Variants in SPG11 observed in about 807,000 individuals in gnomAD.
SPG11 encodes the protein spatacsin.
Under a neutral mutation model 274.0 loss-of-function variants are expected in SPG11, and 222 were observed. The observed-to-expected ratio is 0.81, with a 90% confidence interval of 0.73 to 0.91. SPG11 has a LOEUF of 0.91. SPG11 is among the 40% of genes least tolerant of loss of function. SPG11 has a pLI of 0.00. For missense variants in SPG11, 3,114 were observed against 2,872.7 expected (o/e 1.08, Z -1.92); for synonymous variants, 1,144 against 1,039.7 (o/e 1.10, Z -1.93).
intron 7 of SPG11, among the ~76,000 whole-genome samples, chr15:44,641,412 T>C (rs957450788): frequency 6.6e-6 from 1 of 151,808 alleles, no homozygotes; most frequent in African/African-American, 2.4e-5. Flanking sequence ...TTCCACGAAT[T>C]AAGTAAAAAG....
At chr15:44,579,306 C>T (rs538206980) in intron 30 of SPG11, among the ~76,000 whole-genome samples, 7 of 151,622 alleles carry the variant, frequency 4.6e-5, no homozygotes, top group African/African-American at 1.7e-4. Flanking sequence ...GGGTGGATCA[C>T]CTGCAGTCAG....
At position 44,637,873 on chromosome 15, in the gene SPG11, T is replaced by G. The variant is rs192597559; in HGVS notation, c.1603-4236A>C. ...CTTCACGGTATTCCAGAAAAAGGCA[T>G]AGGAGACGATAGCTCCATGCATGTT... On this transcript the variant is annotated intron_variant, in intron 7 of 39. Transcript: ENST00000261866. 7.2e-5 allele frequency among the ~76,000 whole-genome samples: 11 copies of G among 152,312 alleles called. No homozygotes were observed. The East Asian group carries it at 1.9e-3, about 27-fold the overall frequency.
At chr15:44,603,794 T>C (rs769351697) in intron 20 of SPG11, among the ~76,000 whole-genome samples, 2 of 152,238 alleles carry the variant, frequency 1.3e-5, no homozygotes, top group Non-Finnish European at 2.9e-5. Context: ...AGATCACTTA[T>C]AATACCCAAT....
chr15:44,642,834 C>T (rs2084493587), intron 7 of SPG11, among the ~76,000 whole-genome samples: 1 of 152,110 alleles, frequency 6.6e-6, no homozygotes, highest in East Asian at 1.9e-4. Flanking sequence ...CACACTACTG[C>T]ACTCCAACCT....
chr15:44,615,369 C>T lies in SPG11; in HGVS notation c.3032G>A (p.Cys1011Tyr). Residue 1011 changes from cysteine (C) to tyrosine (Y), a missense_variant, in exon 16 of 40, where the codon TGT becomes TAT. Coordinates refer to ENST00000261866, the MANE Select transcript of SPG11 (RefSeq NM_025137.4). ...ATGCATTCTCAGTACTCACTTGTAA[C>T]AGTCAAGGTAGACATAAAGAAGATG... ...LQHLLYVYLDCYKLSPENCPF... is the reference protein window; with the variant it reads ...LQHLLYVYLDYYKLSPENCPF... 1 of 1,613,536 alleles carries T rather than the reference C, an allele frequency of 6.2e-7. No homozygotes were observed. Among genetic ancestry groups the T allele is most frequent in the Non-Finnish European group, 8.5e-7 (1 of 1,179,928 alleles).
At chr15:44,570,416 G>A (rs1264722788) in intron 34 of SPG11, 109 bp downstream of exon 34, 2 of 1,404,604 alleles carry the variant, frequency 1.4e-6, no homozygotes, top group African/African-American at 2.8e-5. Context: ...GTGGTATCCA[G>A]ATGGGCAGAA....
At chr15:44,619,018 C>T (rs1301505979) in intron 15 of SPG11, among the ~76,000 whole-genome samples, 1 of 152,016 alleles carries the variant, frequency 6.6e-6, no homozygotes, top group Non-Finnish European at 1.5e-5. Flanking sequence ...AGTTTAAAAA[C>T]CAAATGCTAA....
intron 20 of SPG11, among the ~76,000 whole-genome samples, chr15:44,603,899 G>A (rs1413585779): frequency 2.0e-5 from 3 of 151,720 alleles, no homozygotes; most frequent in Non-Finnish European, 4.4e-5. Flanking sequence ...TAAATTGTTT[G>A]TTTGTTCTTT....
In SPG11 at chr15:44,621,582, C is replaced by T. The variant is rs544174767; in HGVS notation, c.2620+177G>A. On this transcript the variant is annotated intron_variant, in intron 14 of 39. Transcript: ENST00000261866. ...TCTTTTATTAGCACATTATAAATCC[C>T]TCCCAGAAACTCTGAGATAAGAAAG... The T allele has an allele frequency of 1.3e-4, 85 of 637,964 alleles. 1 individual carries two copies. Among genetic ancestry groups the T allele is most frequent in the Middle Eastern group, 1.2e-3 (3 of 2,468 alleles). 39.5% of individuals were successfully genotyped at this position (637,964 alleles called of 1,614,324 possible). A position where few individuals can be genotyped will look rare whatever the true frequency, so the allele number is the denominator to read the frequency against.
intron 30 of SPG11, among the ~76,000 whole-genome samples, chr15:44,583,123 G>C (rs767229141): frequency 6.6e-6 from 1 of 152,170 alleles, no homozygotes; most frequent in Non-Finnish European, 1.5e-5. Flanking sequence ...AAATCTTGAG[G>C]AATCTACAAG....
intron 34 of SPG11, 36 bp from the exon 35 acceptor site, chr15:44,569,541 C>T (rs898370502): frequency 1.4e-5 from 21 of 1,460,984 alleles, no homozygotes; most frequent in Admixed American, 2.0e-5. Context: ...TCAGCATCAC[C>T]TGGAGTCTGG....
intron 3 of SPG11, among the ~76,000 whole-genome samples, chr15:44,658,810 T>C (rs1173491959): frequency 6.6e-6 from 1 of 152,174 alleles, no homozygotes; most frequent in Non-Finnish European, 1.5e-5. Context: ...AAACAGGTAA[T>C]GCAGAGAATA....
chr15:44,588,449 GT>G (rs1384962038), intron 28 of SPG11: 1 of 154,720 alleles, frequency 6.5e-6, no homozygotes, highest in Non-Finnish European at 1.4e-5. Context: ...TTAAGTCAGG[GT>G]GGTGGGAAAA....
Position 44,657,166 on chromosome 15 carries a change from T to C in SPG11, c.798A>G (p.Gln266=), listed in dbSNP as rs1451442272. 6.2e-7 allele frequency: 1 copy of C among 1,614,206 alleles called. No homozygotes were observed. The highest frequency in any genetic ancestry group is 1.7e-5 in the Admixed American group (1 of 60,026). ...TGACAATCACTGCAACATCGAGGTC[T>C]TGAGAAACTTTCAGTGAAGTAAATG... ...ISSFTSLKVS[Q]DLDVAVIVSS... Residue 266 remains glutamine, a synonymous_variant, in exon 4 of 40, where the codon CAA becomes CAG. Coordinates refer to ENST00000261866, the MANE Select transcript of SPG11 (RefSeq NM_025137.4).
At chr15:44,624,517 G>T (rs2083843742) in intron 11 of SPG11, among the ~76,000 whole-genome samples, 3 of 152,148 alleles carry the variant, frequency 2.0e-5, no homozygotes, top group Non-Finnish European at 2.9e-5. Flanking sequence ...TATTACCAAG[G>T]ACTGTGGGGT....
At chr15:44,606,593 C>G (rs773299507) in intron 19 of SPG11, among the ~76,000 whole-genome samples, 1 of 152,098 alleles carries the variant, frequency 6.6e-6, no homozygotes, top group Non-Finnish European at 1.5e-5. Flanking sequence ...TGAAGTCAAT[C>G]AGAAAAGATC....
In SPG11 at chr15:44,566,254, A is replaced by C; in HGVS notation, c.6806T>G (p.Leu2269Arg). The C allele has an allele frequency of 6.2e-7, 1 of 1,614,226 alleles. No homozygotes were observed. The highest frequency in any genetic ancestry group is 8.5e-7 in the Non-Finnish European group (1 of 1,180,026). ...CTCTGCTGCATCCAACATCAGAGTC[A>C]GGGCCTTCAGCAGCAGTTGTTTCAG... ...HQLKQLLLKA[L>R]TLMLDAAESY... The change falls in exon 37 of 40, where the codon CTG becomes CGG. Residue 2269 changes from leucine (L) to arginine (R), a missense_variant. Leu to Arg is a moderately radical substitution (Grantham distance 102). Transcript: ENST00000261866.
At chr15:44,606,750 A>G (rs1475769229) in intron 19 of SPG11, among the ~76,000 whole-genome samples, 1 of 152,224 alleles carries the variant, frequency 6.6e-6, no homozygotes, top group Non-Finnish European at 1.5e-5. Flanking sequence ...GCTTTGATGT[A>G]AAACTAAGGA....
intron 4 of SPG11, among the ~76,000 whole-genome samples, chr15:44,654,134 T>TTTTAAAATA (rs1176759033): frequency 6.6e-6 from 1 of 152,158 alleles, no homozygotes; most frequent in African/African-American, 2.4e-5. Context: ...TAGAAATATT[T>TTTTAAAATA]TTTAAAATAA....
Sources: allele counts gnomAD v4.1 joint callset (sites outside exome capture counted in the v4.1 genomes callset), GRCh38; gene constraint gnomAD v4.1.1; transcripts MANE v1.5; gene names NCBI Gene and HGNC (gene_info 2026-07-23, HGNC 2026-07-21).